Variants in ABTB3 observed in about 807,000 individuals in gnomAD.
ABTB3 encodes ankyrin repeat- and BTB/POZ domain-containing protein 3.
At chr12:107,357,036 G>T in the ABTB3 span, among the ~76,000 whole-genome samples, 383 of 152,348 alleles carry the variant, frequency 2.5e-3, no homozygotes, top group Non-Finnish European at 4.8e-3. Flanking sequence ...TGCCCTCAAG[G>T]AGCTTAGAGG....
chr12:107,431,540 C>A, the ABTB3 span, among the ~76,000 whole-genome samples: 1 of 152,058 alleles, frequency 6.6e-6, no homozygotes, highest in Admixed American at 6.6e-5. Flanking sequence ...ACCTGGGCGG[C>A]GGAGGTTGCA....
the ABTB3 span, among the ~76,000 whole-genome samples, chr12:107,508,742 C>T: frequency 0.042 from 6,451 of 152,156 alleles, 459 homozygotes; most frequent in African/African-American, 0.15. Context: ...GCCACCGTGC[C>T]CAGCCAAGAT....
At chr12:107,657,599 C>T in the ABTB3 span, 2 of 1,614,198 alleles carry the variant, frequency 1.2e-6, no homozygotes, top group Non-Finnish European at 1.7e-6. Flanking sequence ...ATTCAAGCAG[C>T]TCCTGTATGA....
the ABTB3 span, among the ~76,000 whole-genome samples, chr12:107,513,554 G>C: frequency 6.6e-6 from 1 of 152,078 alleles, no homozygotes; most frequent in Non-Finnish European, 1.5e-5. Context: ...AGTTTCCTGA[G>C]GCCTCCCCAG....
the ABTB3 span, among the ~76,000 whole-genome samples, chr12:107,440,469 C>T: frequency 6.6e-6 from 1 of 152,226 alleles, no homozygotes; most frequent in South Asian, 2.1e-4. Flanking sequence ...AGAAGCCTTT[C>T]TTACCCTGCC....
chr12:107,324,374 A>T, the ABTB3 span, among the ~76,000 whole-genome samples: 2 of 152,184 alleles, frequency 1.3e-5, no homozygotes, highest in Non-Finnish European at 2.9e-5. Flanking sequence ...TCAAAGGAAA[A>T]TAGCTTATTT....
chr12:107,445,657 C>T, the ABTB3 span, among the ~76,000 whole-genome samples: 1 of 152,142 alleles, frequency 6.6e-6, no homozygotes, highest in African/African-American at 2.4e-5. Flanking sequence ...GCTGCTGTAA[C>T]AAATGATCAC....
At chr12:107,633,591 T>C in the ABTB3 span, among the ~76,000 whole-genome samples, 1 of 152,128 alleles carries the variant, frequency 6.6e-6, no homozygotes, top group Non-Finnish European at 1.5e-5. Flanking sequence ...CAGAGTGTGT[T>C]AAAAATGCAG....
chr12:107,528,851 T>A, the ABTB3 span, among the ~76,000 whole-genome samples: 2 of 151,904 alleles, frequency 1.3e-5, no homozygotes, highest in Non-Finnish European at 2.9e-5. Flanking sequence ...GTGATGGTGA[T>A]GATGATGATT....
the ABTB3 span, among the ~76,000 whole-genome samples, chr12:107,341,217 A>T: frequency 6.6e-6 from 1 of 152,182 alleles, no homozygotes; most frequent in Non-Finnish European, 1.5e-5. Context: ...CTCCTGACAC[A>T]CTGTGCTGTC....
the ABTB3 span, among the ~76,000 whole-genome samples, chr12:107,519,164 G>T: frequency 6.6e-6 from 1 of 152,124 alleles, no homozygotes; most frequent in Admixed American, 6.5e-5. Flanking sequence ...GTCTTTATGG[G>T]CAGCTGGGGC....
the ABTB3 span, among the ~76,000 whole-genome samples, chr12:107,605,037 C>G: frequency 6.6e-6 from 1 of 152,196 alleles, no homozygotes; most frequent in Non-Finnish European, 1.5e-5. Flanking sequence ...ACCATGCAAT[C>G]TCACCATAAA....
At chr12:107,466,235 C>T in the ABTB3 span, among the ~76,000 whole-genome samples, 1 of 151,258 alleles carries the variant, frequency 6.6e-6, no homozygotes, top group Admixed American at 6.6e-5. Flanking sequence ...TCAGTTTCCT[C>T]TGCAAGGAGA....
chr12:107,415,470 A>G, the ABTB3 span, among the ~76,000 whole-genome samples: 2 of 152,032 alleles, frequency 1.3e-5, no homozygotes, highest in African/African-American at 4.8e-5. Flanking sequence ...GCACTTTGGG[A>G]GGCCGAGGTG....
chr12:107,502,853 C>T, the ABTB3 span, among the ~76,000 whole-genome samples: 1 of 152,126 alleles, frequency 6.6e-6, no homozygotes, highest in Non-Finnish European at 1.5e-5. Context: ...CATCCCTGGC[C>T]CCACGACCCA....
chr12:107,492,837 G>C, the ABTB3 span, among the ~76,000 whole-genome samples: 6 of 152,146 alleles, frequency 3.9e-5, no homozygotes, highest in Non-Finnish European at 7.4e-5. Context: ...GCCTGTTTAT[G>C]AGCTTTGTGC....
the ABTB3 span, among the ~76,000 whole-genome samples, chr12:107,351,414 C>T: frequency 6.6e-6 from 1 of 152,184 alleles, no homozygotes; most frequent in African/African-American, 2.4e-5. Context: ...ATTTCTGCTC[C>T]TTCTGCCTGC....
chr12:107,345,238 G>A, the ABTB3 span, among the ~76,000 whole-genome samples: 2 of 152,140 alleles, frequency 1.3e-5, no homozygotes, highest in African/African-American at 2.4e-5. Context: ...AAAAAAGAGT[G>A]ATAAAGGCAG....
chr12:107,378,856 C>T, the ABTB3 span, among the ~76,000 whole-genome samples: 1 of 152,312 alleles, frequency 6.6e-6, no homozygotes, highest in South Asian at 2.1e-4. Flanking sequence ...TTGGGGTTCC[C>T]TAAGAGGCTG....
Sources: gnomAD v4.1 joint callset for allele counts (sites outside exome capture counted in the v4.1 genomes callset) on GRCh38, gnomAD v4.1.1 for gene constraint, MANE v1.5 for transcripts, NCBI Gene and HGNC (gene_info 2026-07-23, HGNC 2026-07-21) for gene names.